Variants in THUMPD2 observed in about 807,000 individuals in gnomAD.
The protein encoded by THUMPD2 is U6 snRNA (guanine-N(2))-methyltransferase THUMPD2.
A neutral mutation model predicts 49.4 loss-of-function variants in THUMPD2; 56 were observed. The ratio of observed to expected loss-of-function variants is 1.13; its 90% CI spans 0.91 to 1.41. The LOEUF is 1.41. Ranked by LOEUF, THUMPD2 falls within the 40% of genes most tolerant of loss-of-function variation. The probability of loss-of-function intolerance (pLI) is 0.00; values close to 1 mark genes in which losing one functional copy is unlikely to be tolerated. For synonymous variants in THUMPD2, 237 were observed against 205.2 expected, an observed-to-expected ratio of 1.15 and a Z score of -1.32; for missense variants, 709 against 594.5, an observed-to-expected ratio of 1.19 and a Z score of -2.00.
At chr2:39,770,807 G>T (rs892681483) in intron 2 of THUMPD2, among the ~76,000 whole-genome samples, 2 of 152,058 alleles carry the variant, frequency 1.3e-5, no homozygotes, top group Non-Finnish European at 2.9e-5. Context: ...TTCTCTGCTT[G>T]GTCTTGATTT....
intron 3 of THUMPD2, chr2:39,769,014 G>A (rs1324048043): frequency 1.5e-6 from 2 of 1,304,554 alleles, no homozygotes; most frequent in Admixed American, 2.3e-5. Flanking sequence ...AACAGTTTGT[G>A]GTGTTCGCTC....
intron 2 of THUMPD2, among the ~76,000 whole-genome samples, 171 bp from the exon 3 acceptor site, chr2:39,770,290 T>C (rs1678136992): frequency 6.6e-6 from 1 of 152,150 alleles, no homozygotes; most frequent in African/African-American, 2.4e-5. Flanking sequence ...CATAAGAATA[T>C]TGTGCAGAAT....
rs1027134409 is a variant in THUMPD2, at chr2:39,769,678, G to A, written c.672+32C>T. 6.1e-6 allele frequency: 9 copies of A among 1,472,812 alleles called. No homozygotes were observed. The African/African-American group carries it at 1.0e-4, about 17-fold the overall frequency. The allele number at this position is 1,472,812 out of a possible 1,614,324, so 91.2% of individuals were successfully genotyped here. Reference sequence around the variant, plus strand: ...ATTGTGCAACTGCATTCCAGCCTGGGCGACAGACTCCACTTTAGGATGCAA... The same window carrying A: ...ATTGTGCAACTGCATTCCAGCCTGGACGACAGACTCCACTTTAGGATGCAA... On this transcript the variant is annotated intron_variant, in intron 3 of 9. Coordinates refer to ENST00000505747, the MANE Select transcript of THUMPD2 (RefSeq NM_025264.5).
At position 39,766,037 on chromosome 2, in the gene THUMPD2, C is replaced by T. The variant is rs184373890; in HGVS notation, c.803+20G>A. 6.4e-5 allele frequency: 100 copies of T among 1,564,000 alleles called. 1 individual carries two copies. In the African/African-American group the frequency reaches 1.2e-3, roughly 18 times the overall value. ...TAACCATCTGTCTTATGGGACAAAC[C>T]GGAAGCTTAGAATATCTACCTGAAC... is the stretch of plus-strand genomic sequence containing the variant. On this transcript the variant is annotated intron_variant, in intron 5 of 9. Transcript: ENST00000505747.
rs1431777612 is a variant in THUMPD2, at chr2:39,769,972, ACTTTT to A, written c.405_409del (p.Arg135SerfsTer5). On this transcript the variant is annotated frameshift_variant, in exon 3 of 10. Coordinates refer to ENST00000505747, the MANE Select transcript of THUMPD2 (RefSeq NM_025264.5). LOFTEE classifies it high-confidence loss of function. ...CTTTGCAATGATTTCATTTTCTCCC[ACTTTT>A]CTTTTTAGTTGGTTATCATCTCTCT... 1 of 1,578,130 alleles carries A rather than the reference ACTTTT, an allele frequency of 6.3e-7. No individual in the cohort carries two copies. Among genetic ancestry groups the A allele is most frequent in the Non-Finnish European group, 8.5e-7 (1 of 1,169,856 alleles).
rs1679545534 is a variant in THUMPD2 at position 39,779,231 on chromosome 2, C to G, written c.9G>C (p.Glu3Asp). The G allele has an allele frequency of 6.7e-7, 1 of 1,495,070 alleles. No individual in the cohort carries two copies. The highest frequency in any genetic ancestry group is 8.9e-7 in the Non-Finnish European group (1 of 1,129,002). 92.6% of individuals were successfully genotyped at this position (1,495,070 alleles called of 1,614,324 possible). A position where few individuals can be genotyped will look rare whatever the true frequency, so the allele number is the denominator to read the frequency against. The change falls in exon 1 of 10, where the codon GAG becomes GAC. Residue 3 changes from glutamate to aspartate, a missense_variant. Coordinates refer to ENST00000505747, the MANE Select transcript of THUMPD2 (RefSeq NM_025264.5). ...GCCCGGACCCTGGCTCTCCACGCGC[C>G]TCCGACATGGCGGCTCAGGCGCGCC... The part of the protein sequence containing the change: MS[E>D]ARGEPGSGPE...
chr2:39,753,199 T>A (rs770370084), intron 8 of THUMPD2, among the ~76,000 whole-genome samples: 78 of 152,172 alleles, frequency 5.1e-4, no homozygotes, highest in Non-Finnish European at 1.0e-3. Context: ...GAAAATGCTC[T>A]AAACTAGTTG....
chr2:39,775,235 C>T (rs893591565), intron 1 of THUMPD2, among the ~76,000 whole-genome samples: 3 of 152,080 alleles, frequency 2.0e-5, no homozygotes, highest in Non-Finnish European at 2.9e-5. Flanking sequence ...TCTGTGATCA[C>T]GCCACTGTTC....
chr2:39,762,024 C>T lies in THUMPD2; in HGVS notation c.804-606G>A, dbSNP rs901036384. On this transcript the variant is annotated intron_variant, in intron 5 of 9. Coordinates refer to ENST00000505747, the MANE Select transcript of THUMPD2 (RefSeq NM_025264.5). The stretch of plus-strand genomic sequence containing the variant: ...GCATCAGTTCACACTTTATCCTCCA[C>T]CTCATCAATGCCACTATCACATCAA... 3.0e-4 allele frequency among the ~76,000 whole-genome samples: 46 copies of T among 152,156 alleles called. 1 individual carries two copies. The highest frequency in any genetic ancestry group is 1.0e-3 in the African/African-American group (43 of 41,436).
chr2:39,766,116 G>C lies in THUMPD2; in HGVS notation c.751-7C>G. The C allele has an allele frequency of 2.6e-6, 4 of 1,560,672 alleles. No homozygotes were observed. Among genetic ancestry groups the C allele is most frequent in the South Asian group, 1.2e-5 (1 of 81,444 alleles). On this transcript the variant is annotated splice_polypyrimidine_tract_variant and splice_region_variant and intron_variant, in intron 4 of 9. Coordinates refer to ENST00000505747, the MANE Select transcript of THUMPD2 (RefSeq NM_025264.5). Reference sequence around the variant, plus strand: ...CATTTAGATGTATAAAGATCTGAAAGAACAAACACAGAAGTTAGAATGGAA... The same window carrying C: ...CATTTAGATGTATAAAGATCTGAAACAACAAACACAGAAGTTAGAATGGAA...
intron 1 of THUMPD2, among the ~76,000 whole-genome samples, chr2:39,772,947 G>A (rs183792065): frequency 6.6e-5 from 10 of 152,320 alleles, no homozygotes; most frequent in Non-Finnish European, 1.2e-4. Flanking sequence ...TCCTGAGGAA[G>A]TGCTAGATTG....
At chr2:39,772,942 A>G (rs1336334374) in intron 1 of THUMPD2, among the ~76,000 whole-genome samples, 1 of 152,226 alleles carries the variant, frequency 6.6e-6, no homozygotes, top group Non-Finnish European at 1.5e-5. Flanking sequence ...ATCTCTCCTG[A>G]GGAAGTGCTA....
chr2:39,744,549 T>A (rs529592201), intron 8 of THUMPD2, 71 bp from the exon 9 acceptor site: 3 of 984,828 alleles, frequency 3.0e-6, no homozygotes, highest in Non-Finnish European at 4.5e-6. Context: ...ATGAGAAAAT[T>A]GAAGTACACA....
chr2:39,768,714 G>A, intron 3 of THUMPD2: 1 of 666,992 alleles, frequency 1.5e-6, no homozygotes, highest in Non-Finnish European at 2.5e-6. Flanking sequence ...ACACCCCATG[G>A]CATTAATGTC....
intron 6 of THUMPD2, among the ~76,000 whole-genome samples, chr2:39,758,067 A>G (rs1161978508): frequency 2.0e-5 from 3 of 152,228 alleles, no homozygotes; most frequent in African/African-American, 7.2e-5. Context: ...ACAGTAAGGA[A>G]AAGTTTTATC....
intron 8 of THUMPD2, among the ~76,000 whole-genome samples, chr2:39,752,090 T>C (rs1259252680): frequency 1.3e-5 from 2 of 152,138 alleles, no homozygotes; most frequent in African/African-American, 2.4e-5. Context: ...AGGCTGAAGA[T>C]TGTGATTTTA....
intron 5 of THUMPD2, among the ~76,000 whole-genome samples, chr2:39,762,878 A>C (rs932626979): frequency 1.3e-5 from 2 of 151,730 alleles, no homozygotes; most frequent in African/African-American, 2.4e-5. Context: ...GGAACCTTTC[A>C]AAGTTTCAAA....
chr2:39,749,399 C>A (rs911242109), intron 8 of THUMPD2, among the ~76,000 whole-genome samples: 8 of 152,200 alleles, frequency 5.3e-5, no homozygotes, highest in Non-Finnish European at 1.0e-4. Flanking sequence ...GAAGCCAGCA[C>A]ATTAACAGTA....
At chr2:39,772,774 A>T (rs1431334346) in intron 1 of THUMPD2, among the ~76,000 whole-genome samples, 1 of 152,192 alleles carries the variant, frequency 6.6e-6, no homozygotes, top group Non-Finnish European at 1.5e-5. Context: ...CCTAGAACAC[A>T]GACACCAGGG....
Sources: gnomAD v4.1 joint callset for allele counts (sites outside exome capture counted in the v4.1 genomes callset) on GRCh38, gnomAD v4.1.1 for gene constraint, MANE v1.5 for transcripts, NCBI Gene and HGNC (gene_info 2026-07-23, HGNC 2026-07-21) for gene names.